ATP8B4: variants seen among roughly 807,000 people sequenced by gnomAD.
ATP8B4 encodes probable phospholipid-transporting ATPase IM.
A neutral mutation model predicts 145.6 loss-of-function variants in ATP8B4; 133 were observed. That is an observed-to-expected ratio of 0.91 (90% CI 0.79 to 1.05). The LOEUF (loss-of-function observed/expected upper bound fraction) is 1.05, where lower values mean the gene tolerates loss of function less well. ATP8B4 is among the 50% of genes least tolerant of loss of function. ATP8B4 has a pLI of 0.00. For missense variants in ATP8B4, 1,458 were observed against 1,425.2 expected (o/e 1.02, Z -0.37); for synonymous variants, 507 against 492.9 (o/e 1.03, Z -0.38).
intron 21 of ATP8B4, among the ~76,000 whole-genome samples, chr15:49,900,775 G>T (rs1020291981): frequency 5.3e-5 from 8 of 152,104 alleles, no homozygotes; most frequent in African/African-American, 1.9e-4. Context: ...AAGTAACAGT[G>T]AGCCGTAACA....
intron 16 of ATP8B4, among the ~76,000 whole-genome samples, chr15:49,925,096 G>GT (rs1418563464): frequency 1.3e-5 from 2 of 151,818 alleles, no homozygotes; most frequent in African/African-American, 4.8e-5. Flanking sequence ...ATTCTAAAAA[G>GT]TTTTTTTAAG....
chr15:49,884,567 A>C (rs1377856084), intron 23 of ATP8B4, among the ~76,000 whole-genome samples: 1 of 141,274 alleles, frequency 7.1e-6, no homozygotes, highest in Non-Finnish European at 1.5e-5. Context: ...ATACCACTGC[A>C]CTCCAGCCTG....
At chr15:49,912,783 C>T (rs2153447388) in intron 20 of ATP8B4, among the ~76,000 whole-genome samples, 1 of 152,174 alleles carries the variant, frequency 6.6e-6, no homozygotes, top group Middle Eastern at 3.4e-3. Flanking sequence ...AAAAAAGTAA[C>T]AAACTAAGTC....
Position 50,134,506 on chromosome 15 carries a change from T to C in ATP8B4, c.-42-27498A>G, listed in dbSNP as rs555449702. On this transcript the variant is annotated intron_variant, in intron 1 of 3. Transcript: ENST00000558829. Reference sequence around the variant, plus strand: ...AACAGCAGGAACAAAGACAGAGAAGTCAGAAAACAGAGTATCTGCAAAGAA... The same window carrying C: ...AACAGCAGGAACAAAGACAGAGAAGCCAGAAAACAGAGTATCTGCAAAGAA... Among the ~76,000 whole-genome samples the C allele has an allele frequency of 1.1e-4, 16 of 152,132 alleles. No individual in the cohort carries two copies. The East Asian group carries it at 2.5e-3, about 24-fold the overall frequency.
chr15:50,003,804 T>G (rs1051979857), intron 7 of ATP8B4, among the ~76,000 whole-genome samples: 3 of 152,182 alleles, frequency 2.0e-5, no homozygotes, highest in African/African-American at 4.8e-5. Flanking sequence ...GAATCCAGTG[T>G]TACTGTTGAA....
chr15:49,866,690 T>C (rs1347710602), intron 25 of ATP8B4, among the ~76,000 whole-genome samples: 2 of 152,186 alleles, frequency 1.3e-5, no homozygotes, highest in African/African-American at 4.8e-5. Context: ...ACTTTAGAAC[T>C]TCTATACGCA....
At chr15:50,089,366 T>G (rs1423862102) in intron 2 of ATP8B4, among the ~76,000 whole-genome samples, 3 of 152,156 alleles carry the variant, frequency 2.0e-5, no homozygotes, top group Non-Finnish European at 4.4e-5. Flanking sequence ...AAAAAATTTT[T>G]GCAATCTATC....
chr15:50,023,835 TGAAG>T (rs939151312), intron 6 of ATP8B4, among the ~76,000 whole-genome samples: 3 of 121,476 alleles, frequency 2.5e-5, no homozygotes, highest in Non-Finnish European at 3.7e-5. Flanking sequence ...AAAACTATAA[TGAAG>T]GATCAGGTGA....
chr15:50,130,467 G>A, intron 1 of ATP8B4, among the ~76,000 whole-genome samples: 1 of 152,060 alleles, frequency 6.6e-6, no homozygotes, highest in East Asian at 1.9e-4. Flanking sequence ...TGGGGTCTCA[G>A]TTTCTTCATC....
intron 6 of ATP8B4, among the ~76,000 whole-genome samples, chr15:50,013,154 A>C (rs905229804): frequency 6.6e-6 from 1 of 152,188 alleles, no homozygotes; most frequent in African/African-American, 2.4e-5. Context: ...TTTAAAACTC[A>C]TCTTCAAAAT....
At chr15:50,089,922 T>C (rs141283035) in intron 2 of ATP8B4, among the ~76,000 whole-genome samples, 45 of 152,312 alleles carry the variant, frequency 3.0e-4, no homozygotes, top group African/African-American at 7.2e-4. Context: ...CGTATGTTCA[T>C]TGCAGCACTA....
intron 6 of ATP8B4, among the ~76,000 whole-genome samples, chr15:50,031,998 T>C (rs1297806115): frequency 6.6e-6 from 1 of 152,232 alleles, no homozygotes; most frequent in African/African-American, 2.4e-5. Context: ...GGGATTTACA[T>C]GTATTATACT....
At chr15:50,169,822 G>T (rs183729751) in intron 1 of ATP8B4, among the ~76,000 whole-genome samples, 1 of 152,236 alleles carries the variant, frequency 6.6e-6, no homozygotes, top group Admixed American at 6.5e-5. Context: ...GAAATAGATA[G>T]CTTAAAGAAA....
Position 50,087,244 on chromosome 15 carries a change from GAAT to G in ATP8B4, c.29-13062_29-13060del, listed in dbSNP as rs1397081252. The stretch of plus-strand genomic sequence containing the variant: ...AGATCTATATTTATTATATATAATA[GAAT>G]AATATATAGATCTATATGTATTATA... On this transcript the variant is annotated intron_variant, in intron 2 of 27. Coordinates refer to ENST00000284509, the MANE Select transcript of ATP8B4 (RefSeq NM_024837.4). Among the ~76,000 whole-genome samples, 383 of 128,374 alleles carry G rather than the reference GAAT, an allele frequency of 3.0e-3. 2 individuals carry two copies. The highest frequency in any genetic ancestry group is 9.9e-3 in the African/African-American group (332 of 33,536). 84.2% of individuals were successfully genotyped at this position (128,374 alleles called of 152,430 possible).
At chr15:50,127,624 G>C (rs2057315933) in intron 1 of ATP8B4, among the ~76,000 whole-genome samples, 1 of 152,212 alleles carries the variant, frequency 6.6e-6, no homozygotes, top group Admixed American at 6.5e-5. Flanking sequence ...TAGCAACCTA[G>C]ACGCATTCTC....
At chr15:50,108,850 G>C (rs565495369) in intron 1 of ATP8B4, among the ~76,000 whole-genome samples, 1 of 152,080 alleles carries the variant, frequency 6.6e-6, no homozygotes, top group Non-Finnish European at 1.5e-5. Flanking sequence ...TTAGGACAAG[G>C]CTCCATAGCT....
intron 3 of ATP8B4, among the ~76,000 whole-genome samples, chr15:50,054,803 A>C (rs113732000): frequency 0.11 from 14,736 of 136,554 alleles, 1,004 homozygotes; most frequent in African/African-American, 0.18. Context: ...AAAAAAAAAA[A>C]AAAAAACAAA....
Position 50,074,202 on chromosome 15 carries a change from C to G in ATP8B4, c.29-17G>C. 2 of 1,600,954 alleles carry G rather than the reference C, an allele frequency of 1.2e-6. No homozygotes were observed. The highest frequency in any genetic ancestry group is 2.2e-5 in the South Asian group (2 of 90,216). On this transcript the variant is annotated splice_polypyrimidine_tract_variant and intron_variant, in intron 2 of 27. Coordinates refer to ENST00000284509, the MANE Select transcript of ATP8B4 (RefSeq NM_024837.4). Reference sequence around the variant, plus strand: ...GTTCCACTTCTAAAGAGAGAGAAATCAAGTATGAAATTAAATTGTAGGCCC... The same window carrying G: ...GTTCCACTTCTAAAGAGAGAGAAATGAAGTATGAAATTAAATTGTAGGCCC...
intron 20 of ATP8B4, among the ~76,000 whole-genome samples, chr15:49,906,448 T>C (rs1291176611): frequency 4.6e-5 from 7 of 152,208 alleles, no homozygotes; most frequent in Admixed American, 1.3e-4. Flanking sequence ...CCAAATGTAG[T>C]TGGATAAAAT....
Sources: allele counts gnomAD v4.1 joint callset (sites outside exome capture counted in the v4.1 genomes callset), GRCh38; gene constraint gnomAD v4.1.1; transcripts MANE v1.5; gene names NCBI Gene and HGNC (gene_info 2026-07-23, HGNC 2026-07-21).